Variants in TANC1 observed in about 807,000 individuals in gnomAD.
TANC1 encodes tetratricopeptide repeat, ankyrin repeat and coiled-coil containing 1, also known as protein TANC1.
In TANC1, 77 loss-of-function variants were observed where a neutral mutation model predicts 149.7. The ratio of observed to expected loss-of-function variants is 0.51; its 90% CI spans 0.43 to 0.62. The LOEUF (loss-of-function observed/expected upper bound fraction) is 0.62, where lower values mean the gene tolerates loss of function less well. Among genes scored for constraint, TANC1 ranks in the 20% least tolerant of loss-of-function variants. TANC1 has a pLI of 0.00. For synonymous variants in TANC1, 854 were observed against 925.0 expected, an observed-to-expected ratio of 0.92 and a Z score of 1.39; for missense variants, 1,985 against 2,321.8, an observed-to-expected ratio of 0.85 and a Z score of 2.98.
At chr2:159,106,677 G>A (rs1161748596) in intron 4 of TANC1, among the ~76,000 whole-genome samples, 10 of 152,082 alleles carry the variant, frequency 6.6e-5, no homozygotes, top group Admixed American at 6.5e-4. Flanking sequence ...TTTTTCCCTT[G>A]GGTATATACC....
intron 2 of TANC1, among the ~76,000 whole-genome samples, chr2:159,028,367 C>T (rs1444411135): frequency 2.6e-5 from 4 of 152,108 alleles, no homozygotes; most frequent in South Asian, 2.1e-4. Flanking sequence ...GTGATTTGCC[C>T]GCCTTGGCCT....
intron 7 of TANC1, among the ~76,000 whole-genome samples, chr2:159,151,446 C>T (rs1442285625): frequency 2.6e-5 from 4 of 152,226 alleles, no homozygotes; most frequent in African/African-American, 9.6e-5. Flanking sequence ...TCACGCAGAG[C>T]TCTTCTGAAA....
At chr2:159,074,381 T>C (rs138130211) in intron 3 of TANC1, among the ~76,000 whole-genome samples, 2 of 152,284 alleles carry the variant, frequency 1.3e-5, no homozygotes, top group African/African-American at 2.4e-5. Context: ...ATGTCTCTGA[T>C]GTGAGACATG....
At chr2:159,053,217 C>G (rs1346888396) in intron 2 of TANC1, among the ~76,000 whole-genome samples, 1 of 151,774 alleles carries the variant, frequency 6.6e-6, no homozygotes. Flanking sequence ...CTGGTATTCC[C>G]CTTTTGGGGC....
intron 4 of TANC1, among the ~76,000 whole-genome samples, chr2:159,113,004 G>A (rs868383743): frequency 1.1e-4 from 16 of 151,800 alleles, no homozygotes; most frequent in East Asian, 1.9e-4. Flanking sequence ...GGGGAATCTC[G>A]GCTCATTGCA....
intron 1 of TANC1, among the ~76,000 whole-genome samples, chr2:158,991,863 G>T (rs1380681109): frequency 6.6e-6 from 1 of 152,194 alleles, no homozygotes; most frequent in Non-Finnish European, 1.5e-5. Context: ...CAGTGTCATA[G>T]TATTATGCAT....
At chr2:159,107,472 T>C (rs115785473) in intron 4 of TANC1, among the ~76,000 whole-genome samples, 1 of 152,264 alleles carries the variant, frequency 6.6e-6, no homozygotes, top group Non-Finnish European at 1.5e-5. Flanking sequence ...CCTAACAGTT[T>C]TGACTCTTAC....
intron 19 of TANC1, among the ~76,000 whole-genome samples, chr2:159,209,202 G>T (rs1267096151): frequency 6.6e-6 from 1 of 152,162 alleles, no homozygotes; most frequent in Non-Finnish European, 1.5e-5. Flanking sequence ...CCAAGGCTTG[G>T]GGTGTTTGTC....
chr2:159,152,333 G>A (rs943058323), intron 7 of TANC1, among the ~76,000 whole-genome samples: 26 of 151,986 alleles, frequency 1.7e-4, no homozygotes, highest in African/African-American at 5.1e-4. Flanking sequence ...CAGTATTCTC[G>A]GTTCTTCTGA....
chr2:159,076,848 G>A (rs544823205), intron 3 of TANC1, among the ~76,000 whole-genome samples: 1 of 152,200 alleles, frequency 6.6e-6, no homozygotes, highest in Admixed American at 6.5e-5. Context: ...TATGTCTCCG[G>A]CTGTCTTCCT....
chr2:159,024,227 G>C (rs1432051102), intron 2 of TANC1, among the ~76,000 whole-genome samples: 2 of 152,164 alleles, frequency 1.3e-5, no homozygotes, highest in African/African-American at 4.8e-5. Flanking sequence ...ATTATAATAG[G>C]AACTGGAAAA....
Position 159,067,522 on chromosome 2 carries a change from C to T in TANC1, c.61+1551C>T, listed in dbSNP as rs2042776161. Among the ~76,000 whole-genome samples, 2 of 152,238 alleles carry T rather than the reference C, an allele frequency of 1.3e-5. 1 individual carries two copies. The highest frequency in any genetic ancestry group is 4.1e-4 in the South Asian group (2 of 4,834). On this transcript the variant is annotated intron_variant, in intron 3 of 26. Coordinates refer to ENST00000263635, the MANE Select transcript of TANC1 (RefSeq NM_033394.3). ...TTCCATCCAGGGGGACATTCACCCT[C>T]TGCTGGGTCAAGACCAAAATGTCTT... is the stretch of plus-strand genomic sequence containing the variant.
chr2:158,971,235 G>A (rs1338562464), intron 1 of TANC1, among the ~76,000 whole-genome samples: 4 of 152,154 alleles, frequency 2.6e-5, no homozygotes, highest in Non-Finnish European at 5.9e-5. Flanking sequence ...CAGCATCCCT[G>A]AGCCAGTGGA....
intron 7 of TANC1, among the ~76,000 whole-genome samples, chr2:159,161,241 G>A (rs550765257): frequency 2.0e-4 from 31 of 152,322 alleles, no homozygotes; most frequent in African/African-American, 7.0e-4. Context: ...CTTAGGGAGA[G>A]CACTTTGACT....
intron 8 of TANC1, 22 bp downstream of exon 8, chr2:159,163,568 G>C: frequency 6.2e-7 from 1 of 1,602,450 alleles, no homozygotes; most frequent in Non-Finnish European, 8.5e-7. Flanking sequence ...CCTTTCCCTG[G>C]AAGGATTATC....
intron 5 of TANC1, among the ~76,000 whole-genome samples, chr2:159,143,232 A>G (rs909292399): frequency 1.3e-5 from 2 of 152,122 alleles, no homozygotes; most frequent in Admixed American, 6.5e-5. Flanking sequence ...TTCAATTGAG[A>G]TCTCTCGTAA....
chr2:159,004,833 T>C (rs2036989449), intron 2 of TANC1, among the ~76,000 whole-genome samples: 1 of 151,786 alleles, frequency 6.6e-6, no homozygotes, highest in Non-Finnish European at 1.5e-5. Flanking sequence ...CACACACAAA[T>C]ATAGGGTGTG....
chr2:158,987,131 T>C (rs1477384860), intron 1 of TANC1, among the ~76,000 whole-genome samples: 1 of 150,502 alleles, frequency 6.6e-6, no homozygotes, highest in African/African-American at 2.4e-5. Context: ...GGAGAATCGC[T>C]TGAACCCAAG....
chr2:159,170,022 G>A (rs1343190121), intron 9 of TANC1, among the ~76,000 whole-genome samples: 4 of 151,764 alleles, frequency 2.6e-5, no homozygotes, highest in African/African-American at 9.7e-5. Context: ...GGACTGTATT[G>A]GCCATGTTCT....
Sources: gnomAD v4.1 joint callset for allele counts (sites outside exome capture counted in the v4.1 genomes callset) on GRCh38, gnomAD v4.1.1 for gene constraint, MANE v1.5 for transcripts, NCBI Gene and HGNC (gene_info 2026-07-23, HGNC 2026-07-21) for gene names.